Variants in MYLK4 observed in about 807,000 individuals in gnomAD.
MYLK4 encodes the protein myosin light chain kinase family member 4, also known as caMLCK like.
A neutral mutation model predicts 48.1 loss-of-function variants in MYLK4; 46 were observed. That is an observed-to-expected ratio of 0.96 (90% CI 0.75 to 1.22). The LOEUF (loss-of-function observed/expected upper bound fraction) is 1.22, where lower values mean the gene tolerates loss of function less well. MYLK4 is among the 50% of genes most tolerant of loss of function. MYLK4 has a pLI of 0.00. For synonymous variants in MYLK4, 170 were observed against 180.8 expected (o/e 0.94, Z 0.48); for missense variants, 451 against 486.1 (o/e 0.93, Z 0.68).
In MYLK4 at chr6:2,679,447, G is replaced by A. The variant is rs529803552; in HGVS notation, c.759-39C>T. 59 of 1,613,144 alleles carry A rather than the reference G, an allele frequency of 3.7e-5. No homozygotes were observed. The South Asian group carries it at 5.7e-4, about 16-fold the overall frequency. On this transcript the variant is annotated intron_variant, in intron 8 of 12. Coordinates refer to ENST00000274643, the MANE Select transcript of MYLK4 (RefSeq NM_001012418.5). ...GACAAAGTGGAAGGATGGACGTGTC[G>A]ATCAAAAATCGTGAACACTGAAATG...
Position 2,729,993 on chromosome 6 carries a change from T to A in MYLK4, c.159+19143A>T, listed in dbSNP as rs1319909179. 2.6e-5 allele frequency among the ~76,000 whole-genome samples: 4 copies of A among 152,244 alleles called. No individual in the cohort carries two copies. In the East Asian group the frequency reaches 7.7e-4, roughly 29 times the overall value. Reference sequence around the variant, plus strand: ...CATCGCCTTACTGAAAAACTCACTATACTTCCTTTAAAACTTCATGATCTG... The same window carrying A: ...CATCGCCTTACTGAAAAACTCACTAAACTTCCTTTAAAACTTCATGATCTG... On this transcript the variant is annotated intron_variant, in intron 2 of 12. Coordinates refer to ENST00000274643, the MANE Select transcript of MYLK4 (RefSeq NM_001012418.5).
chr6:2,750,271 G>C (rs1429049974), intron 1 of MYLK4, among the ~76,000 whole-genome samples: 1 of 152,106 alleles, frequency 6.6e-6, no homozygotes, highest in Non-Finnish European at 1.5e-5. Context: ...ATTTTGTTTT[G>C]TCAGTTCCTA....
intron 2 of MYLK4, among the ~76,000 whole-genome samples, chr6:2,695,899 C>T (rs1319564992): frequency 1.3e-5 from 2 of 152,210 alleles, no homozygotes; most frequent in Non-Finnish European, 2.9e-5. Context: ...GAGCACAGGA[C>T]CAGTGCTCTT....
At chr6:2,714,151 C>T (rs891515998) in intron 2 of MYLK4, among the ~76,000 whole-genome samples, 1 of 152,088 alleles carries the variant, frequency 6.6e-6, no homozygotes, top group African/African-American at 2.4e-5. Flanking sequence ...TTTCCAGGAC[C>T]CGGTCAGAGG....
intron 2 of MYLK4, among the ~76,000 whole-genome samples, chr6:2,725,589 A>AAAAGAAAG (rs1554131512): frequency 1.2e-4 from 17 of 145,256 alleles, no homozygotes; most frequent in African/African-American, 4.5e-4. Context: ...AAGAAAGAGA[A>AAAAGAAAG]AGAAAGAAAG....
the MYLK4 span, among the ~76,000 whole-genome samples, chr6:2,761,983 C>T: frequency 2.0e-5 from 3 of 152,164 alleles, no homozygotes; most frequent in South Asian, 6.2e-4. Flanking sequence ...GTGATTTCGG[C>T]TCACTGCAAC....
At chr6:2,768,212 G>T in the MYLK4 span, among the ~76,000 whole-genome samples, 1 of 152,144 alleles carries the variant, frequency 6.6e-6, no homozygotes, top group African/African-American at 2.4e-5. Flanking sequence ...TTGGTCTCAA[G>T]GCAAATGCTC....
the MYLK4 span, among the ~76,000 whole-genome samples, chr6:2,766,896 C>T: frequency 2.0e-5 from 3 of 152,010 alleles, no homozygotes; most frequent in African/African-American, 7.3e-5. Flanking sequence ...TTCTGTTGTG[C>T]TTCCTTCCTT....
chr6:2,766,051 G>A, the MYLK4 span: 7 of 1,295,442 alleles, frequency 5.4e-6, no homozygotes, highest in Admixed American at 8.4e-5. Flanking sequence ...GGAAGAGGCC[G>A]GCGGCCGCCG....
At chr6:2,719,353 G>T (rs1180950523) in intron 2 of MYLK4, among the ~76,000 whole-genome samples, 1 of 152,192 alleles carries the variant, frequency 6.6e-6, no homozygotes, top group African/African-American at 2.4e-5. Context: ...TAAACTGGAA[G>T]GGTAAGGCAT....
rs544570445 is a variant in MYLK4 at position 2,686,889 on chromosome 6, A to G, written c.342-1313T>C. Among the ~76,000 whole-genome samples the G allele has an allele frequency of 3.9e-5, 6 of 152,212 alleles. No homozygotes were observed. The South Asian group carries it at 1.2e-3, about 32-fold the overall frequency. ...GTTATGGAAATGGTTTCTCCCCTTC[A>G]CTAGCAATGGCCGCAGAACCTCCTG... On this transcript the variant is annotated intron_variant, in intron 4 of 12. Transcript: ENST00000274643.
chr6:2,703,993 AG>A (rs1216838250), intron 2 of MYLK4, among the ~76,000 whole-genome samples: 1 of 152,152 alleles, frequency 6.6e-6, no homozygotes, highest in Non-Finnish European at 1.5e-5. Flanking sequence ...CTACCTAAAG[AG>A]GAGTCCACCT....
intron 10 of MYLK4, among the ~76,000 whole-genome samples, chr6:2,675,941 A>G (rs1358174173): frequency 2.0e-5 from 3 of 151,998 alleles, no homozygotes. Flanking sequence ...AAATACAAAA[A>G]ATTAGCTGGG....
chr6:2,693,760 T>G (rs1268517760), intron 2 of MYLK4, among the ~76,000 whole-genome samples: 1 of 147,304 alleles, frequency 6.8e-6, no homozygotes, highest in Non-Finnish European at 1.5e-5. Context: ...AATGTGCTTT[T>G]TTTTTTTTTT....
the MYLK4 span, chr6:2,766,250 C>A: frequency 6.6e-7 from 1 of 1,514,898 alleles, no homozygotes; most frequent in South Asian, 1.2e-5. Flanking sequence ...CCGCCCGCAC[C>A]CCCGGGCGCT....
At chr6:2,708,633 T>C (rs57967844) in intron 2 of MYLK4, among the ~76,000 whole-genome samples, 32,478 of 152,140 alleles carry the variant, frequency 0.21, 3,581 homozygotes, top group African/African-American at 0.27. Context: ...GGTTGTTGTT[T>C]TGGTTACACC....
At chr6:2,725,678 T>G in intron 2 of MYLK4, among the ~76,000 whole-genome samples, 1 of 149,228 alleles carries the variant, frequency 6.7e-6, no homozygotes, top group East Asian at 2.0e-4. Context: ...AGAAAAATTT[T>G]AAAAAGAATA....
intron 2 of MYLK4, among the ~76,000 whole-genome samples, chr6:2,726,375 T>C (rs1041350390): frequency 7.9e-5 from 12 of 152,190 alleles, no homozygotes; most frequent in African/African-American, 2.7e-4. Flanking sequence ...TAAGGGTTTC[T>C]GGACTGTTAG....
At chr6:2,669,625 A>C (rs1022015186) in intron 12 of MYLK4, among the ~76,000 whole-genome samples, 1 of 152,130 alleles carries the variant, frequency 6.6e-6, no homozygotes, top group African/African-American at 2.4e-5. Context: ...GGAGAGAAGG[A>C]GTGGACACAG....
Sources: allele counts gnomAD v4.1 joint callset (sites outside exome capture counted in the v4.1 genomes callset), GRCh38; gene constraint gnomAD v4.1.1; transcripts MANE v1.5; gene names NCBI Gene and HGNC (gene_info 2026-07-23, HGNC 2026-07-21).